The following PTPRC variants were observed in gnomAD, a reference collection of about 807,000 sequenced individuals.
The protein encoded by PTPRC is protein tyrosine phosphatase receptor type C, also known as receptor-type tyrosine-protein phosphatase C.
Under a neutral mutation model 155.9 loss-of-function variants are expected in PTPRC, and 44 were observed. The ratio of observed to expected loss-of-function variants is 0.28; its 90% CI spans 0.22 to 0.36. The LOEUF (loss-of-function observed/expected upper bound fraction) is 0.36, where lower values mean the gene tolerates loss of function less well. Among genes scored for constraint, PTPRC ranks in the 10% least tolerant of loss-of-function variants. PTPRC has a pLI of 1.00. For missense variants in PTPRC, 1,401 were observed against 1,564.6 expected, an observed-to-expected ratio of 0.90 and a Z score of 1.76; for synonymous variants, 525 against 533.1, an observed-to-expected ratio of 0.98 and a Z score of 0.21.
At chr1:198,704,583 C>T in intron 8 of PTPRC, 85 bp downstream of exon 8, 14 of 1,610,038 alleles carry the variant, frequency 8.7e-6, no homozygotes, top group Middle Eastern at 3.3e-4. Flanking sequence ...CTTTCAGGAC[C>T]CACTAGTAAG....
intron 2 of PTPRC, among the ~76,000 whole-genome samples, chr1:198,675,238 A>G (rs935264514): frequency 4.6e-5 from 7 of 152,180 alleles, no homozygotes; most frequent in Non-Finnish European, 1.0e-4. Context: ...TTCTTTCAAC[A>G]TGGAATTAAT....
At chr1:198,679,562 C>T in intron 2 of PTPRC, 1 of 181,012 alleles carries the variant, frequency 5.5e-6, no homozygotes, top group Non-Finnish European at 1.2e-5. Flanking sequence ...GCCACCTTGC[C>T]CGGCCAAGCT....
chr1:198,658,402 C>A (rs542627161), intron 2 of PTPRC, among the ~76,000 whole-genome samples: 3 of 152,062 alleles, frequency 2.0e-5, no homozygotes, highest in African/African-American at 2.4e-5. Flanking sequence ...CTTTCTTATA[C>A]AAGGAGGGAA....
At position 198,756,607 on chromosome 1, in the gene PTPRC, A is replaced by C; in HGVS notation, c.*426A>C. 5.2e-6 allele frequency: 1 copy of C among 191,780 alleles called. No individual in the cohort carries two copies. Among genetic ancestry groups the C allele is most frequent in the Non-Finnish European group, 1.1e-5 (1 of 91,820 alleles). The allele number at this position is 191,780 out of a possible 1,614,324, so 11.9% of individuals were successfully genotyped here. A position where few individuals can be genotyped will look rare whatever the true frequency, so the allele number is the denominator to read the frequency against. ...AAGGATCTGTTTTTAAAAATCATAA[A>C]CTGTGTGCAGACTCAATAAAATCAT... On this transcript the variant is annotated 3_prime_UTR_variant, in exon 33 of 33. Transcript: ENST00000442510.
At chr1:198,684,342 CA>C (rs1665502461) in intron 2 of PTPRC, among the ~76,000 whole-genome samples, 2 of 151,504 alleles carry the variant, frequency 1.3e-5, no homozygotes, top group South Asian at 2.1e-4. Context: ...TATTCACAAG[CA>C]AAAAACATTA....
At chr1:198,701,095 T>C (rs1461878847) in intron 5 of PTPRC, among the ~76,000 whole-genome samples, 1 of 152,198 alleles carries the variant, frequency 6.6e-6, no homozygotes, top group Non-Finnish European at 1.5e-5. Context: ...CTTCTACATA[T>C]TCTGCTGGAG....
intron 2 of PTPRC, among the ~76,000 whole-genome samples, chr1:198,654,688 A>G (rs1228440691): frequency 1.3e-5 from 2 of 151,866 alleles, no homozygotes; most frequent in Non-Finnish European, 2.9e-5. Flanking sequence ...AGAGAATAAT[A>G]TATTTTGTAA....
Position 198,697,067 on chromosome 1 carries a change from T to C in PTPRC, c.298+158T>C, listed in dbSNP as rs75810154. On this transcript the variant is annotated intron_variant, in intron 4 of 32. Transcript: ENST00000442510. Reference sequence around the variant, plus strand: ...GCAGGAAATTAGTATCTGTGAAATATAGATCGACTGAAGTAATTAATGCAT... The same window carrying C: ...GCAGGAAATTAGTATCTGTGAAATACAGATCGACTGAAGTAATTAATGCAT... 1.7e-3 allele frequency among the ~76,000 whole-genome samples: 263 copies of C among 152,294 alleles called. 1 individual carries two copies. Among genetic ancestry groups the C allele is most frequent in the African/African-American group, 6.0e-3 (248 of 41,560 alleles).
In PTPRC at chr1:198,668,837, T is replaced by C. The variant is rs3767743; in HGVS notation, c.74-23510T>C. 6.6e-3 allele frequency among the ~76,000 whole-genome samples: 1,004 copies of C among 152,276 alleles called. 39 individuals carry two copies. The East Asian group carries it at 0.083, about 13-fold the overall frequency. On this transcript the variant is annotated intron_variant, in intron 2 of 32. Coordinates refer to ENST00000442510, the MANE Select transcript of PTPRC (RefSeq NM_002838.5). ...GGATTAGTCTTTAGGTGAATAGATA[T>C]GTATCGAAGGGAAATTAAGAGAGCA... is the stretch of plus-strand genomic sequence containing the variant.
intron 2 of PTPRC, among the ~76,000 whole-genome samples, chr1:198,662,764 C>T (rs989378566): frequency 1.3e-5 from 2 of 152,102 alleles, no homozygotes; most frequent in African/African-American, 4.8e-5. Context: ...TATAGATACC[C>T]TTAGCTATTT....
chr1:198,719,794 AGAGATAGGT>A (rs1653794051), intron 14 of PTPRC, among the ~76,000 whole-genome samples: 1 of 152,052 alleles, frequency 6.6e-6, no homozygotes, highest in East Asian at 1.9e-4. Context: ...TATTTTCAGT[AGAGATAGGT>A]TTTCACCATG....
intron 2 of PTPRC, among the ~76,000 whole-genome samples, chr1:198,670,591 G>A (rs750064384): frequency 4.6e-5 from 7 of 151,778 alleles, no homozygotes; most frequent in Non-Finnish European, 1.0e-4. Flanking sequence ...TATTATCATC[G>A]AAACACAATT....
chr1:198,684,993 G>A lies in PTPRC; in HGVS notation c.74-7354G>A, dbSNP rs539026911. On this transcript the variant is annotated intron_variant, in intron 2 of 32. Coordinates refer to ENST00000442510, the MANE Select transcript of PTPRC (RefSeq NM_002838.5). ...ACATTGGTGGAGCTCATAAATTCAT[G>A]TGCTTTAACTAGATTGAATGAAATC... is the stretch of plus-strand genomic sequence containing the variant. 4.6e-5 allele frequency among the ~76,000 whole-genome samples: 7 copies of A among 152,120 alleles called. No homozygotes were observed. The East Asian group carries it at 1.2e-3, about 25-fold the overall frequency.
chr1:198,642,904 C>CT (rs1662683631), intron 2 of PTPRC, among the ~76,000 whole-genome samples: 39 of 143,442 alleles, frequency 2.7e-4, no homozygotes, highest in African/African-American at 6.7e-4. Context: ...TTCTTTCTTT[C>CT]TTCCTTTCTT....
intron 32 of PTPRC, among the ~76,000 whole-genome samples, chr1:198,754,863 G>A (rs1035335085): frequency 1.3e-5 from 2 of 152,104 alleles, no homozygotes; most frequent in Non-Finnish European, 1.5e-5. Flanking sequence ...GCCTTCAGCT[G>A]ATGTGTGCCC....
intron 22 of PTPRC, 39 bp downstream of exon 22, chr1:198,734,464 T>C: frequency 1.3e-6 from 2 of 1,582,982 alleles, no homozygotes; most frequent in East Asian, 4.5e-5. Context: ...GTCTTGGGGT[T>C]AGGAAAACAA....
chr1:198,755,861 A>ACAT (rs758382517), intron 32 of PTPRC, 45 bp from the exon 33 acceptor site: 8 of 1,542,446 alleles, frequency 5.2e-6, no homozygotes, highest in Admixed American at 1.7e-5. Flanking sequence ...AAAAATAATG[A>ACAT]CATCAACTTT....
chr1:198,680,218 C>T (rs972174904), intron 2 of PTPRC, among the ~76,000 whole-genome samples: 2 of 152,190 alleles, frequency 1.3e-5, no homozygotes, highest in Non-Finnish European at 1.5e-5. Context: ...CATTGGGAGG[C>T]CGAGGCAGGC....
intron 15 of PTPRC, 71 bp downstream of exon 15, chr1:198,722,547 T>C: frequency 1.1e-6 from 1 of 884,954 alleles, no homozygotes; most frequent in Non-Finnish European, 1.5e-6. Flanking sequence ...TATATTATTT[T>C]ACACTTATAA....
Sources: allele counts gnomAD v4.1 joint callset (sites outside exome capture counted in the v4.1 genomes callset), GRCh38; gene constraint gnomAD v4.1.1; transcripts MANE v1.5; gene names NCBI Gene and HGNC (gene_info 2026-07-23, HGNC 2026-07-21).